Variants in CACNG3 observed in about 807,000 individuals in gnomAD.
The protein encoded by CACNG3 is voltage-dependent calcium channel gamma-3 subunit.
CACNG3 carries 3 observed loss-of-function variants against 28.5 expected under a neutral mutation model. The observed-to-expected ratio is 0.11, with a 90% CI of 0.05 to 0.27. The LOEUF is 0.27. Among genes scored for constraint, CACNG3 ranks in the 10% least tolerant of loss-of-function variants. The pLI is 1.00. For missense variants in CACNG3, 236 were observed against 414.4 expected (o/e 0.57, Z 3.74); for synonymous variants, 174 against 162.2 (o/e 1.07, Z -0.55).
intron 1 of CACNG3, among the ~76,000 whole-genome samples, chr16:24,331,007 G>A (rs552275832): frequency 1.3e-5 from 2 of 152,212 alleles, no homozygotes; most frequent in Admixed American, 6.5e-5. Flanking sequence ...ATAATTTATA[G>A]TTGTCATTCT....
intron 1 of CACNG3, among the ~76,000 whole-genome samples, chr16:24,303,412 A>C (rs1003805486): frequency 6.7e-6 from 1 of 148,336 alleles, no homozygotes; most frequent in African/African-American, 2.5e-5. Context: ...CTGGTCTTGA[A>C]CTCCCGGACT....
chr16:24,361,958 A>G lies in CACNG3; in HGVS notation c.*95A>G, dbSNP rs576740603. ...TGCATGGCATGGTCCTTGTGATGGT[A>G]TTACTTTTTACAAAGAATGAAACCA... On this transcript the variant is annotated 3_prime_UTR_variant, in exon 4 of 4. Transcript: ENST00000005284. The surrounding 1 kb of genome is among the most constrained non-coding windows in gnomAD (Gnocchi z 6.8). 351 of 1,270,918 alleles carry G rather than the reference A, an allele frequency of 2.8e-4. No homozygotes were observed. Among genetic ancestry groups the G allele is most frequent in the Non-Finnish European group, 1.5e-5 (14 of 929,850 alleles). 78.7% of individuals were successfully genotyped at this position (1,270,918 alleles called of 1,614,324 possible).
At chr16:24,318,220 C>T (rs1207010724) in intron 1 of CACNG3, among the ~76,000 whole-genome samples, 1 of 151,986 alleles carries the variant, frequency 6.6e-6, no homozygotes, top group Non-Finnish European at 1.5e-5. Context: ...GAGATGGAGT[C>T]TCACTCTGTC....
chr16:24,292,538 T>C (rs1464927115), intron 1 of CACNG3, among the ~76,000 whole-genome samples: 1 of 152,132 alleles, frequency 6.6e-6, no homozygotes, highest in Non-Finnish European at 1.5e-5. Context: ...GAGCTCGAAT[T>C]CCTTCCAGTC....
At chr16:24,267,965 C>T (rs1044713861) in intron 1 of CACNG3, among the ~76,000 whole-genome samples, 3 of 152,218 alleles carry the variant, frequency 2.0e-5, no homozygotes, top group African/African-American at 7.2e-5. Flanking sequence ...GCTACCGTGC[C>T]CGGCCTCATA....
chr16:24,306,898 G>T (rs930170305), intron 1 of CACNG3, among the ~76,000 whole-genome samples: 2 of 152,092 alleles, frequency 1.3e-5, no homozygotes, highest in Non-Finnish European at 2.9e-5. Context: ...TGGCCCCTTA[G>T]TCTGTTTGAC....
chr16:24,289,742 C>T (rs904267293), intron 1 of CACNG3, among the ~76,000 whole-genome samples: 12 of 152,344 alleles, frequency 7.9e-5, no homozygotes, highest in South Asian at 4.1e-4. Flanking sequence ...ATTTGCAGAT[C>T]CACTACCTGA....
At chr16:24,286,244 T>C (rs1047719092) in intron 1 of CACNG3, among the ~76,000 whole-genome samples, 1 of 152,178 alleles carries the variant, frequency 6.6e-6, no homozygotes, top group African/African-American at 2.4e-5. Context: ...TATGTTCTTA[T>C]ATACTAGTGC....
chr16:24,291,654 C>A (rs1408647206), intron 1 of CACNG3, among the ~76,000 whole-genome samples: 1 of 152,136 alleles, frequency 6.6e-6, no homozygotes, highest in South Asian at 2.1e-4. Context: ...GTGAGTCAGA[C>A]AGTCCTGGGT....
intron 1 of CACNG3, among the ~76,000 whole-genome samples, chr16:24,300,199 G>A (rs767702166): frequency 6.6e-6 from 1 of 152,124 alleles, no homozygotes; most frequent in Non-Finnish European, 1.5e-5. Flanking sequence ...GATCTAAACT[G>A]CTTCCAAACT....
At chr16:24,356,268 G>A (rs1053813772) in intron 3 of CACNG3, among the ~76,000 whole-genome samples, 6 of 152,146 alleles carry the variant, frequency 3.9e-5, no homozygotes, top group South Asian at 2.1e-4. Flanking sequence ...TGGGGACAGC[G>A]GTGGAGAGTA....
intron 1 of CACNG3, among the ~76,000 whole-genome samples, chr16:24,343,186 C>T (rs1273932492): frequency 6.6e-6 from 1 of 151,898 alleles, no homozygotes; most frequent in Non-Finnish European, 1.5e-5. Flanking sequence ...CGAAACTCTG[C>T]CTAAAAAACA....
intron 1 of CACNG3, among the ~76,000 whole-genome samples, chr16:24,307,406 G>A (rs894583794): frequency 1.3e-4 from 20 of 152,086 alleles, no homozygotes; most frequent in African/African-American, 4.8e-4. Context: ...ACAGACATGA[G>A]CCACTTCAGC....
intron 1 of CACNG3, among the ~76,000 whole-genome samples, chr16:24,343,125 G>T (rs904497503): frequency 2.0e-5 from 3 of 152,108 alleles, no homozygotes; most frequent in African/African-American, 7.2e-5. Context: ...GGAGGCGGAG[G>T]TTGCAGTGGG....
chr16:24,348,933 T>C (rs1899905628), intron 2 of CACNG3, among the ~76,000 whole-genome samples: 2 of 152,248 alleles, frequency 1.3e-5, no homozygotes, highest in African/African-American at 4.8e-5. Flanking sequence ...ACAAAGTATT[T>C]TTTTCTCGTC....
At chr16:24,281,657 T>G (rs768111815) in intron 1 of CACNG3, among the ~76,000 whole-genome samples, 4 of 152,206 alleles carry the variant, frequency 2.6e-5, no homozygotes, top group Non-Finnish European at 5.9e-5. Context: ...TTGATTGGCT[T>G]AGGCCTGAGT....
At chr16:24,296,515 C>T (rs1198287202) in intron 1 of CACNG3, among the ~76,000 whole-genome samples, 1 of 145,292 alleles carries the variant, frequency 6.9e-6, no homozygotes, top group African/African-American at 2.5e-5. Flanking sequence ...ACTCCTGAAC[C>T]ATTCTCTGGA....
At chr16:24,291,968 G>A (rs967217816) in intron 1 of CACNG3, among the ~76,000 whole-genome samples, 3 of 152,068 alleles carry the variant, frequency 2.0e-5, no homozygotes, top group Non-Finnish European at 2.9e-5. Flanking sequence ...GAGGCAGAAC[G>A]GAGCAACTTT....
intron 1 of CACNG3, among the ~76,000 whole-genome samples, chr16:24,318,202 T>C (rs374631873): frequency 3.9e-5 from 6 of 152,108 alleles, no homozygotes; most frequent in African/African-American, 1.4e-4. Flanking sequence ...TTTTTTTTCA[T>C]TTTTCTTGAG....
Sources: gnomAD v4.1 joint callset for allele counts (sites outside exome capture counted in the v4.1 genomes callset) on GRCh38, gnomAD v4.1.1 for gene constraint, Gnocchi (gnomAD v3.1) non-coding constraint, MANE v1.5 for transcripts, NCBI Gene and HGNC (gene_info 2026-07-23, HGNC 2026-07-21) for gene names.